SUCLG2: variants seen among roughly 807,000 people sequenced by gnomAD.
SUCLG2 encodes succinate-CoA ligase GDP-forming subunit beta.
Under a neutral mutation model 47.9 loss-of-function variants are expected in SUCLG2, and 42 were observed. The observed-to-expected ratio is 0.88, with a 90% CI of 0.69 to 1.14. The LOEUF (loss-of-function observed/expected upper bound fraction) is 1.14, where lower values mean the gene tolerates loss of function less well. SUCLG2 is among the 50% of genes most tolerant of loss of function. SUCLG2 has a pLI of 0.00. For missense variants in SUCLG2, 571 were observed against 525.9 expected (o/e 1.09, Z -0.84); for synonymous variants, 195 against 197.3 (o/e 0.99, Z 0.10).
intron 6 of SUCLG2, among the ~76,000 whole-genome samples, chr3:67,515,962 C>T (rs1705933768): frequency 1.3e-5 from 2 of 152,282 alleles, no homozygotes; most frequent in Middle Eastern, 3.4e-3. Context: ...CCGCTGCCCC[C>T]TCCCCCACTC....
intron 7 of SUCLG2, among the ~76,000 whole-genome samples, chr3:67,502,367 T>C (rs951561587): frequency 1.3e-5 from 2 of 152,230 alleles, no homozygotes; most frequent in Non-Finnish European, 2.9e-5. Context: ...TGATTTTCCT[T>C]GAACCTGACC....
chr3:67,592,653 A>G (rs1708190548), intron 2 of SUCLG2, among the ~76,000 whole-genome samples: 1 of 148,114 alleles, frequency 6.8e-6, no homozygotes, highest in South Asian at 2.1e-4. Context: ...CAAGACATCA[A>G]CTCAACAAGT....
At chr3:67,643,957 G>A (rs552349267) in intron 1 of SUCLG2, among the ~76,000 whole-genome samples, 6 of 152,316 alleles carry the variant, frequency 3.9e-5, no homozygotes, top group East Asian at 1.9e-4. Flanking sequence ...GATTACAGGC[G>A]TGAGCCACCG....
At position 67,630,492 on chromosome 3, in the gene SUCLG2, G is replaced by T. The variant is rs533890890; in HGVS notation, c.85-20896C>A. Among the ~76,000 whole-genome samples the T allele has an allele frequency of 2.0e-5, 3 of 152,282 alleles. No individual in the cohort carries two copies. In the South Asian group the frequency reaches 6.2e-4, roughly 32 times the overall value. The stretch of plus-strand genomic sequence containing the variant: ...TGTGTAGGATAAATGATTTAAATAT[G>T]GTTTTGTGGGAAGGCATCAAGATAA... On this transcript the variant is annotated intron_variant, in intron 1 of 10. Coordinates refer to ENST00000307227, the MANE Select transcript of SUCLG2 (RefSeq NM_003848.4).
intron 2 of SUCLG2, among the ~76,000 whole-genome samples, chr3:67,597,916 C>T (rs1395665818): frequency 6.6e-6 from 1 of 151,836 alleles, no homozygotes. Flanking sequence ...CCAGCCTGGG[C>T]AACAGAGTGA....
intron 2 of SUCLG2, among the ~76,000 whole-genome samples, chr3:67,605,138 C>T (rs1340902112): frequency 3.3e-5 from 5 of 152,148 alleles, no homozygotes; most frequent in Non-Finnish European, 2.9e-5. Flanking sequence ...AGGCAATTTT[C>T]TCCCATGATG....
rs567989058 is a variant in SUCLG2, at chr3:67,503,846, C to T, written c.757+4961G>A. Among the ~76,000 whole-genome samples the T allele has an allele frequency of 4.6e-5, 7 of 152,208 alleles. No individual in the cohort carries two copies. In the South Asian group the frequency reaches 1.5e-3, roughly 32 times the overall value. ...GGTGTTTTGTTGTTTTGTTTAGTGG[C>T]GTGAGATTCTGTGAGCTGCTAATTC... is the stretch of plus-strand genomic sequence containing the variant. On this transcript the variant is annotated intron_variant, in intron 7 of 10. Transcript: ENST00000307227.
intron 2 of SUCLG2, among the ~76,000 whole-genome samples, chr3:67,574,710 T>A (rs1707698536): frequency 6.6e-6 from 1 of 152,154 alleles, no homozygotes; most frequent in Admixed American, 6.5e-5. Context: ...AATTAGTAAG[T>A]TGGACTTTGT....
intron 1 of SUCLG2, among the ~76,000 whole-genome samples, chr3:67,640,000 T>C (rs757752433): frequency 5.3e-5 from 8 of 152,200 alleles, no homozygotes; most frequent in African/African-American, 9.6e-5. Flanking sequence ...GCACTACCTA[T>C]ACTGTTTGTT....
chr3:67,544,244 G>A (rs1928550), intron 2 of SUCLG2, among the ~76,000 whole-genome samples: 29,312 of 152,014 alleles, frequency 0.19, 3,908 homozygotes, highest in East Asian at 0.47. Flanking sequence ...GAAGGAAAAA[G>A]GACGGAAGAA....
chr3:67,394,648 T>C (rs1471146409), intron 10 of SUCLG2, among the ~76,000 whole-genome samples: 2 of 151,916 alleles, frequency 1.3e-5, no homozygotes, highest in South Asian at 2.1e-4. Context: ...CAGGACAACA[T>C]TCAGATTCAG....
chr3:67,365,234 T>C (rs542033080), intron 10 of SUCLG2, among the ~76,000 whole-genome samples: 1 of 152,282 alleles, frequency 6.6e-6, no homozygotes, highest in African/African-American at 2.4e-5. Context: ...GGCTGGAAAC[T>C]TGAAGATATA....
intron 8 of SUCLG2, among the ~76,000 whole-genome samples, chr3:67,496,221 A>C (rs9840334): frequency 0.015 from 2,288 of 152,324 alleles, 56 homozygotes; most frequent in African/African-American, 0.053. Flanking sequence ...GGAAAGGTTT[A>C]AGTAAGTAAC....
intron 2 of SUCLG2, among the ~76,000 whole-genome samples, chr3:67,538,530 T>G (rs1042440507): frequency 6.6e-6 from 1 of 152,194 alleles, no homozygotes; most frequent in Non-Finnish European, 1.5e-5. Flanking sequence ...TAGGATTGTC[T>G]TTGTTTTAGG....
At chr3:67,652,487 T>C (rs1359732131) in intron 1 of SUCLG2, among the ~76,000 whole-genome samples, 1 of 152,094 alleles carries the variant, frequency 6.6e-6, no homozygotes, top group African/African-American at 2.4e-5. Flanking sequence ...AAACGTAATA[T>C]CAAATCAGTG....
chr3:67,428,392 G>A (rs867916142), intron 9 of SUCLG2, among the ~76,000 whole-genome samples: 82 of 152,320 alleles, frequency 5.4e-4, no homozygotes, highest in African/African-American at 1.8e-3. Context: ...CTGACTGTTA[G>A]AAGGAAAACT....
chr3:67,552,452 G>A (rs1043441151), intron 2 of SUCLG2, among the ~76,000 whole-genome samples: 4 of 152,220 alleles, frequency 2.6e-5, no homozygotes, highest in Non-Finnish European at 5.9e-5. Flanking sequence ...AGTCTGAATT[G>A]ATGAGGTACA....
intron 5 of SUCLG2, 125 bp downstream of exon 5, chr3:67,520,357 G>C: frequency 7.3e-7 from 1 of 1,370,518 alleles, no homozygotes; most frequent in Non-Finnish European, 1.0e-6. Context: ...AAAGGGCTCA[G>C]CATCTTCTTA....
chr3:67,538,138 T>A (rs1706598061), intron 2 of SUCLG2, among the ~76,000 whole-genome samples: 2 of 152,180 alleles, frequency 1.3e-5, no homozygotes, highest in South Asian at 4.1e-4. Flanking sequence ...TCATGAAGTC[T>A]CTGCCCATGC....
Sources: gnomAD v4.1 joint callset for allele counts (sites outside exome capture counted in the v4.1 genomes callset) on GRCh38, gnomAD v4.1.1 for gene constraint, MANE v1.5 for transcripts, NCBI Gene and HGNC (gene_info 2026-07-23, HGNC 2026-07-21) for gene names.